ERCC6L: variants seen among roughly 807,000 people sequenced by gnomAD.
ERCC6L encodes DNA excision repair protein ERCC-6-like.
A neutral mutation model predicts 20.1 loss-of-function variants in ERCC6L; 7 were observed. That is an observed-to-expected ratio of 0.35 (90% CI 0.20 to 0.65). The LOEUF is 0.65. Among genes scored for constraint, ERCC6L ranks in the 30% least tolerant of loss-of-function variants. ERCC6L has a pLI of 0.69. For synonymous variants in ERCC6L, 278 were observed against 331.3 expected (o/e 0.84, Z 1.75); for missense variants, 592 against 892.4 (o/e 0.66, Z 4.29).
Position 72,205,943 on chromosome X carries a change from G to A in ERCC6L, c.2824C>T (p.Pro942Ser). The stretch of plus-strand genomic sequence containing the variant: ...GCATACTGTGGTGAAGATGCTGAAG[G>A]TTCCTCTTCCAACTTGGCCTCACTT... The part of the protein sequence containing the change: ...QASEAKLEEE[P>S]SASSPQYACD... The change falls in exon 2 of 2, where the codon CCT becomes TCT. Residue 942 changes from proline (P) to serine (S), a missense_variant. Coordinates refer to ENST00000334463, the MANE Select transcript of ERCC6L (RefSeq NM_017669.4). 2 of 1,211,226 alleles carry A rather than the reference G, an allele frequency of 1.7e-6. No individual in the cohort carries two copies. The highest frequency in any genetic ancestry group is 2.2e-6 in the Non-Finnish European group (2 of 895,001).
chrX:72,235,739 A>G (rs1602454524), intron 1 of ERCC6L, among the ~76,000 whole-genome samples: 1 of 111,405 alleles, frequency 9.0e-6, no homozygotes, highest in Admixed American at 9.6e-5. Flanking sequence ...GCTCACCCAG[A>G]TATTCCAATT....
At chrX:72,225,363 A>G (rs913700786) in intron 1 of ERCC6L, among the ~76,000 whole-genome samples, 3 of 111,833 alleles carry the variant, frequency 2.7e-5, no homozygotes, top group Non-Finnish European at 5.6e-5. Flanking sequence ...GCTTCAGTAC[A>G]TGGATGATTT....
At position 72,207,087 on chromosome X, in the gene ERCC6L, A is replaced by G. The variant is rs751805250; in HGVS notation, c.1680T>C (p.Pro560=). The G allele has an allele frequency of 8.3e-7, 1 of 1,212,016 alleles. No individual in the cohort carries two copies. Among genetic ancestry groups the G allele is most frequent in the Non-Finnish European group, 1.1e-6 (1 of 895,599 alleles). Residue 560 remains proline (P), a synonymous_variant, in exon 2 of 2, where the codon CCT becomes CCC. Coordinates refer to ENST00000334463, the MANE Select transcript of ERCC6L (RefSeq NM_017669.4). ...TATCCACAGCTTGAGCATCAGTTGCAGGATTCCAGCTAGGGTCAAAAATGA... is the reference window on the plus strand; with the variant it reads ...TATCCACAGCTTGAGCATCAGTTGCGGGATTCCAGCTAGGGTCAAAAATGA... ...RVVIFDPSWN[P]ATDAQAVDRV...
At chrX:72,214,684 A>C (rs925412335) in intron 1 of ERCC6L, among the ~76,000 whole-genome samples, 21 of 107,111 alleles carry the variant, frequency 2.0e-4, no homozygotes, top group Non-Finnish European at 3.3e-4. Flanking sequence ...AAAAAAAAAA[A>C]AAAAACAAAA....
chrX:72,222,595 CT>C (rs758259884), intron 1 of ERCC6L, among the ~76,000 whole-genome samples: 31,654 of 84,939 alleles, frequency 0.37, 6,438 homozygotes, highest in East Asian at 0.97. Context: ...AGAATCCAGC[CT>C]TTTTTTTTTT....
At position 72,214,741 on chromosome X, in the gene ERCC6L, C is replaced by G. The variant is rs568540511; in HGVS notation, c.69-6043G>C. Among the ~76,000 whole-genome samples the G allele has an allele frequency of 2.8e-5, 3 of 108,912 alleles. No homozygotes were observed. The South Asian group carries it at 1.2e-3, about 43-fold the overall frequency. 94.6% of individuals were successfully genotyped at this position (108,912 alleles called of 115,157 possible). ...GTGGCTCACACCTGTAATCCTAGCA[C>G]TTTGGGAGGCCGAGGTGGGCAGATC... On this transcript the variant is annotated intron_variant, in intron 1 of 1. Coordinates refer to ENST00000334463, the MANE Select transcript of ERCC6L (RefSeq NM_017669.4).
At position 72,238,989 on chromosome X, in the gene ERCC6L, G is replaced by A. The variant is rs1019431097; in HGVS notation, c.-78C>T. 4.2e-5 allele frequency: 42 copies of A among 994,983 alleles called. No homozygotes were observed. The highest frequency in any genetic ancestry group is 5.3e-5 in the Non-Finnish European group (38 of 720,292). The allele number at this position is 994,983 out of a possible 1,213,427, so 82.0% of individuals were successfully genotyped here. On this transcript the variant is annotated 5_prime_UTR_variant, in exon 1 of 2. Transcript: ENST00000334463. ...TGGAGCTTGGAGCTTGGAGCTTAGA[G>A]TTTGGAGCTTGAATTTCGCTCACTC...
At chrX:72,224,005 C>T (rs2042940687) in intron 1 of ERCC6L, among the ~76,000 whole-genome samples, 1 of 111,253 alleles carries the variant, frequency 9.0e-6, no homozygotes, top group South Asian at 3.8e-4. Context: ...GGCCCCCTGA[C>T]CATCACAGGA....
intron 1 of ERCC6L, among the ~76,000 whole-genome samples, chrX:72,231,455 T>A (rs1425254542): frequency 1.8e-5 from 2 of 111,717 alleles, no homozygotes; most frequent in African/African-American, 6.5e-5. Flanking sequence ...GTACAAAGTT[T>A]CAGTTAAACA....
At chrX:72,212,688 C>T (rs771316296) in intron 1 of ERCC6L, among the ~76,000 whole-genome samples, 1 of 112,131 alleles carries the variant, frequency 8.9e-6, no homozygotes, top group South Asian at 3.7e-4. Flanking sequence ...AGCCTCTAAT[C>T]CCAGTACTTT....
rs1461455373 is a variant in ERCC6L at position 72,205,553 on chromosome X, CTGGTGGA to C, written c.3207_3213del (p.Ser1069ArgfsTer13). The C allele has an allele frequency of 8.3e-7, 1 of 1,211,020 alleles. No homozygotes were observed. The highest frequency in any genetic ancestry group is 2.2e-5 in the Admixed American group (1 of 46,004). On this transcript the variant is annotated frameshift_variant, in exon 2 of 2. Coordinates refer to ENST00000334463, the MANE Select transcript of ERCC6L (RefSeq NM_017669.4). LOFTEE classifies it low-confidence loss of function (END_TRUNC). ...GGTATTTGAGATGAAAAGAACCTTCCTGGTGGACTGATGTCATTTTTGGGAGTTGAAG... is the reference window on the plus strand; with the variant it reads ...GGTATTTGAGATGAAAAGAACCTTCCCTGATGTCATTTTTGGGAGTTGAAG...
chrX:72,229,744 G>A (rs2042972898), intron 1 of ERCC6L, among the ~76,000 whole-genome samples: 3 of 111,745 alleles, frequency 2.7e-5, no homozygotes, highest in South Asian at 3.8e-4. Context: ...AGAAAAGGAA[G>A]GGCCATCCAT....
At position 72,207,539 on chromosome X, in the gene ERCC6L, G is replaced by A. The variant is rs777484023; in HGVS notation, c.1228C>T (p.Leu410=). The change falls in exon 2 of 2, where the codon CTG becomes TTG. Residue 410 remains leucine (L), a synonymous_variant. Coordinates refer to ENST00000334463, the MANE Select transcript of ERCC6L (RefSeq NM_017669.4). ...PLAELGVLKK[L]CDHPRLLSAR... is the part of the protein sequence containing the mutation. ...GACAGCAGCCTAGGATGATCACACA[G>A]CTTCTTTAAGACACCTAGCTCAGCC... The A allele has an allele frequency of 5.0e-6, 6 of 1,211,385 alleles. No homozygotes were observed. Among genetic ancestry groups the A allele is most frequent in the Non-Finnish European group, 6.7e-6 (6 of 895,234 alleles).
In ERCC6L at chrX:72,206,259, A is replaced by G; in HGVS notation, c.2508T>C (p.Phe836=). 1 of 1,208,440 alleles carries G rather than the reference A, an allele frequency of 8.3e-7. No homozygotes were observed. The highest frequency in any genetic ancestry group is 1.1e-6 in the Non-Finnish European group (1 of 894,424). ...TTTGTACAGCTTCATTTTTAGTTGCAAAGCTTTTTTCCATTCCCAATGAAG... is the reference window on the plus strand; with the variant it reads ...TTTGTACAGCTTCATTTTTAGTTGCGAAGCTTTTTTCCATTCCCAATGAAG... ...TNSSLGMEKS[F]ATKNEAVQKE... Residue 836 remains phenylalanine, a synonymous_variant, in exon 2 of 2, where the codon TTT becomes TTC. Coordinates refer to ENST00000334463, the MANE Select transcript of ERCC6L (RefSeq NM_017669.4).
At chrX:72,235,373 C>T (rs1006438415) in intron 1 of ERCC6L, among the ~76,000 whole-genome samples, 1 of 103,629 alleles carries the variant, frequency 9.6e-6, no homozygotes, top group Non-Finnish European at 1.9e-5. Flanking sequence ...ACCTCCTCTT[C>T]TGCCTCCCTC....
chrX:72,219,662 A>G (rs1423953694), intron 1 of ERCC6L, among the ~76,000 whole-genome samples: 1 of 109,629 alleles, frequency 9.1e-6, no homozygotes, highest in Non-Finnish European at 1.9e-5. Context: ...AGCCTGACCA[A>G]CATGAAGAAG....
chrX:72,220,677 C>T (rs960756133), intron 1 of ERCC6L, among the ~76,000 whole-genome samples: 5 of 110,301 alleles, frequency 4.5e-5, no homozygotes, highest in African/African-American at 1.7e-4. Context: ...GAGATTCCAA[C>T]CCCGCCATAA....
intron 1 of ERCC6L, among the ~76,000 whole-genome samples, chrX:72,223,133 G>A (rs1383270412): frequency 8.1e-5 from 8 of 98,956 alleles, no homozygotes; most frequent in African/African-American, 2.6e-4. Flanking sequence ...TCAAGAGATC[G>A]AGACCACCCT....
chrX:72,234,956 G>A, intron 1 of ERCC6L, among the ~76,000 whole-genome samples: 1 of 111,628 alleles, frequency 9.0e-6, no homozygotes, highest in Middle Eastern at 4.6e-3. Context: ...AGCATGAAGG[G>A]CCTGCTTGAC....
Sources: gnomAD v4.1 joint callset for allele counts (sites outside exome capture counted in the v4.1 genomes callset) on GRCh38, gnomAD v4.1.1 for gene constraint, MANE v1.5 for transcripts, NCBI Gene and HGNC (gene_info 2026-07-23, HGNC 2026-07-21) for gene names.